Variants in ACSM4 observed in about 807,000 individuals in gnomAD.
The protein encoded by ACSM4 is acyl-coenzyme A synthetase ACSM4, mitochondrial.
ACSM4 carries 66 observed loss-of-function variants against 73.0 expected under a neutral mutation model. That is an observed-to-expected ratio of 0.90 (90% CI 0.74 to 1.11). The LOEUF (loss-of-function observed/expected upper bound fraction) is 1.11. Ranked by LOEUF, ACSM4 falls within the 50% of genes least tolerant of loss-of-function variation. ACSM4 has a pLI of 0.00. For synonymous variants in ACSM4, 222 were observed against 254.0 expected (o/e 0.87, Z 1.20); for missense variants, 645 against 714.4 (o/e 0.90, Z 1.11).
chr12:7,307,313 A>G (rs1339954006), intron 2 of ACSM4, among the ~76,000 whole-genome samples: 1 of 152,182 alleles, frequency 6.6e-6, no homozygotes, highest in Non-Finnish European at 1.5e-5. Context: ...TATTCTATTC[A>G]GTCACAGCTA....
In ACSM4 at chr12:7,304,367, C is replaced by A; in HGVS notation, c.36C>A (p.Phe12Leu). The change falls in exon 1 of 13, where the codon TTC (phenylalanine) becomes TTA (leucine). Residue 12 changes from phenylalanine to leucine, a missense_variant. Transcript: ENST00000399422. Reference sequence around the variant, plus strand: ...TTTTCCGCTACCAGACATTTAGATTCATCTGGCTCACCAAGCCACCTGGCC... The same window carrying A: ...TTTTCCGCTACCAGACATTTAGATTAATCTGGCTCACCAAGCCACCTGGCC... ...KIFFRYQTFRFIWLTKPPGRR... is the reference protein window; with the variant it reads ...KIFFRYQTFRLIWLTKPPGRR... 6.2e-7 allele frequency: 1 copy of A among 1,613,974 alleles called. No homozygotes were observed. The highest frequency in any genetic ancestry group is 8.5e-7 in the Non-Finnish European group (1 of 1,179,868).
chr12:7,304,553 AG>A, intron 1 of ACSM4, 21 bp downstream of exon 1: 1 of 1,605,240 alleles, frequency 6.2e-7, no homozygotes, highest in Non-Finnish European at 8.5e-7. Context: ...ATGGGCTTCC[AG>A]TAGATGCTTG....
chr12:7,322,575 T>TG (rs1565755388), intron 7 of ACSM4, 34 bp downstream of exon 7: 16 of 1,576,548 alleles, frequency 1.0e-5, no homozygotes, highest in Non-Finnish European at 1.4e-5. Flanking sequence ...TTAGTATATG[T>TG]GGGGGCCTTT....
chr12:7,315,241 A>C (rs1410352837), intron 3 of ACSM4, among the ~76,000 whole-genome samples: 1 of 151,992 alleles, frequency 6.6e-6, no homozygotes, highest in Non-Finnish European at 1.5e-5. Context: ...TTTCAATGAC[A>C]ATGTCACTCA....
intron 12 of ACSM4, among the ~76,000 whole-genome samples, chr12:7,327,856 C>G (rs1435943190): frequency 1.3e-5 from 2 of 152,060 alleles, no homozygotes. Context: ...TTTTTGTGGT[C>G]AAGTCAGGGC....
intron 10 of ACSM4, 25 bp from the exon 11 acceptor site, chr12:7,324,474 G>A (rs1174279317): frequency 6.2e-7 from 1 of 1,613,792 alleles, no homozygotes; most frequent in Non-Finnish European, 8.5e-7. Context: ...GGATGTGGTG[G>A]TCAAAAACTT....
At chr12:7,318,756 G>T (rs2136333385) in intron 5 of ACSM4, among the ~76,000 whole-genome samples, 1 of 152,314 alleles carries the variant, frequency 6.6e-6, no homozygotes, top group South Asian at 2.1e-4. Flanking sequence ...AGAAAAATGT[G>T]ATTCAGGCCA....
At chr12:7,319,968 G>A (rs753715889) in intron 5 of ACSM4, among the ~76,000 whole-genome samples, 11 of 152,220 alleles carry the variant, frequency 7.2e-5, no homozygotes, top group East Asian at 3.9e-4. Context: ...TAGACTCTGC[G>A]GAGCAGATAC....
intron 3 of ACSM4, among the ~76,000 whole-genome samples, chr12:7,312,798 A>T (rs2136330576): frequency 6.6e-6 from 1 of 152,314 alleles, no homozygotes; most frequent in East Asian, 1.9e-4. Flanking sequence ...AATATCTAGT[A>T]ATTATAACTG....
chr12:7,310,336 A>C (rs1946383219), intron 2 of ACSM4, among the ~76,000 whole-genome samples: 1 of 152,206 alleles, frequency 6.6e-6, no homozygotes, highest in African/African-American at 2.4e-5. Flanking sequence ...GATTAGACCC[A>C]TGGTCTGTCA....
intron 3 of ACSM4, among the ~76,000 whole-genome samples, chr12:7,316,467 C>T (rs1022667427): frequency 3.3e-5 from 5 of 152,162 alleles, no homozygotes; most frequent in Non-Finnish European, 7.3e-5. Flanking sequence ...ATCTCGTTGT[C>T]CATAACTGCA....
intron 9 of ACSM4, 70 bp from the exon 10 acceptor site, chr12:7,324,203 C>T: frequency 1.3e-6 from 2 of 1,559,512 alleles, no homozygotes; most frequent in Middle Eastern, 2.3e-4. Flanking sequence ...ATGTACTAGT[C>T]ACTTAATGAG....
Position 7,317,122 on chromosome 12 carries a change from G to A in ACSM4, c.621-15G>A, listed in dbSNP as rs1200785947. The A allele has an allele frequency of 1.9e-6, 3 of 1,605,332 alleles. No homozygotes were observed. The highest frequency in any genetic ancestry group is 1.1e-5 in the South Asian group (1 of 89,198). The stretch of plus-strand genomic sequence containing the variant: ...TGCCATCTTCCACCGCCATCTTGGG[G>A]TCCATATTTTGCAGATTCGCCTCTG... On this transcript the variant is annotated splice_polypyrimidine_tract_variant and intron_variant, in intron 3 of 12. Coordinates refer to ENST00000399422, the MANE Select transcript of ACSM4 (RefSeq NM_001080454.2).
At chr12:7,313,760 T>C (rs1476038490) in intron 3 of ACSM4, among the ~76,000 whole-genome samples, 2 of 151,894 alleles carry the variant, frequency 1.3e-5, no homozygotes, top group Admixed American at 1.3e-4. Flanking sequence ...TACCCTAAGG[T>C]GTGCAGGGAA....
At chr12:7,308,841 C>T (rs1946374373) in intron 2 of ACSM4, among the ~76,000 whole-genome samples, 2 of 152,178 alleles carry the variant, frequency 1.3e-5, no homozygotes, top group South Asian at 2.1e-4. Context: ...TAGCAAACTT[C>T]AGGGAACTCA....
chr12:7,311,812 C>T (rs983829850), intron 3 of ACSM4, among the ~76,000 whole-genome samples: 1 of 152,156 alleles, frequency 6.6e-6, no homozygotes, highest in Non-Finnish European at 1.5e-5. Flanking sequence ...ACCTGAGCCT[C>T]CTGAGTAGCT....
intron 12 of ACSM4, 47 bp downstream of exon 12, chr12:7,327,142 G>A (rs1591848293): frequency 6.6e-7 from 1 of 1,525,674 alleles, no homozygotes; most frequent in Non-Finnish European, 8.8e-7. Context: ...CCAAACTAGG[G>A]TCTAAGCTAG....
At chr12:7,325,544 G>A (rs1288176692) in intron 11 of ACSM4, among the ~76,000 whole-genome samples, 1 of 152,172 alleles carries the variant, frequency 6.6e-6, no homozygotes, top group Non-Finnish European at 1.5e-5. Flanking sequence ...CTACTTAGGA[G>A]GCTGAGGCAG....
In ACSM4 at chr12:7,324,527, A is replaced by C; in HGVS notation, c.1465A>C (p.Ser489Arg). 6.2e-7 allele frequency: 1 copy of C among 1,613,944 alleles called. No individual in the cohort carries two copies. Among genetic ancestry groups the C allele is most frequent in the Non-Finnish European group, 8.5e-7 (1 of 1,179,870 alleles). Residue 489 changes from serine to arginine, a missense_variant, in exon 11 of 13, where the codon AGT (serine) becomes CGT (arginine). Ser to Arg is a moderately radical substitution (Grantham distance 110). Transcript: ENST00000399422. Reference sequence around the variant, plus strand: ...CCGTATTGGGCCATTTGAAGTGGAGAGTGCACTCATTGAGCATCCAGCAGT... The same window carrying C: ...CCGTATTGGGCCATTTGAAGTGGAGCGTGCACTCATTGAGCATCCAGCAGT... ...GYRIGPFEVE[S>R]ALIEHPAVVE... is the part of the protein sequence containing the mutation.
Sources: gnomAD v4.1 joint callset for allele counts (sites outside exome capture counted in the v4.1 genomes callset) on GRCh38, gnomAD v4.1.1 for gene constraint, MANE v1.5 for transcripts, NCBI Gene and HGNC (gene_info 2026-07-23, HGNC 2026-07-21) for gene names.